Variants in DACH2 observed in about 807,000 individuals in gnomAD.
DACH2 encodes dachshund family transcription factor 2.
DACH2 carries 17 observed loss-of-function variants against 35.8 expected under a neutral mutation model. The ratio of observed to expected loss-of-function variants is 0.48; its 90% CI spans 0.33 to 0.71. The LOEUF is 0.71. Ranked by LOEUF, DACH2 falls within the 30% of genes least tolerant of loss-of-function variation. The probability of loss-of-function intolerance (pLI) is 0.02; values close to 1 mark genes in which losing one functional copy is unlikely to be tolerated. For synonymous variants in DACH2, 195 were observed against 177.3 expected (o/e 1.10, Z -0.79); for missense variants, 469 against 472.7 (o/e 0.99, Z 0.07).
intron 7 of DACH2, among the ~76,000 whole-genome samples, chrX:86,772,274 C>A (rs954418606): frequency 4.5e-5 from 5 of 111,608 alleles, no homozygotes; most frequent in Non-Finnish European, 9.4e-5. Flanking sequence ...TACTTGGAGA[C>A]TGAATTAGTA....
chrX:86,300,080 A>G (rs1235763774), intron 1 of DACH2, among the ~76,000 whole-genome samples: 3 of 111,188 alleles, frequency 2.7e-5, no homozygotes, highest in Non-Finnish European at 5.7e-5. Context: ...GAAATATACA[A>G]TACATTGTTG....
At chrX:86,563,382 G>A (rs2039251644) in intron 3 of DACH2, among the ~76,000 whole-genome samples, 1 of 110,172 alleles carries the variant, frequency 9.1e-6, no homozygotes, top group Admixed American at 9.8e-5. Flanking sequence ...CACTTACATG[G>A]GTATTGCCAC....
At chrX:86,319,288 A>C (rs190004950) in intron 1 of DACH2, among the ~76,000 whole-genome samples, 13 of 112,277 alleles carry the variant, frequency 1.2e-4, no homozygotes, top group African/African-American at 3.5e-4. Context: ...AATTTAAGAC[A>C]ATTCTTTATT....
chrX:86,172,095 G>A (rs185481869), intron 1 of DACH2, among the ~76,000 whole-genome samples: 121 of 111,940 alleles, frequency 1.1e-3, no homozygotes, highest in Admixed American at 2.7e-3. Context: ...TGTTACTTTT[G>A]TAATTAAGTA....
chrX:86,560,466 T>C (rs1404578704), intron 3 of DACH2, among the ~76,000 whole-genome samples: 1 of 104,423 alleles, frequency 9.6e-6, no homozygotes, highest in Non-Finnish European at 1.9e-5. Context: ...TCTCTGTATT[T>C]CCTGAATCTG....
At chrX:86,614,895 A>T (rs1207440901) in intron 3 of DACH2, among the ~76,000 whole-genome samples, 1 of 112,055 alleles carries the variant, frequency 8.9e-6, no homozygotes, top group African/African-American at 3.2e-5. Flanking sequence ...TATGTTTTTG[A>T]TACAAAATCT....
intron 11 of DACH2, chrX:86,828,003 C>A: frequency 2.8e-6 from 1 of 362,539 alleles, no homozygotes; most frequent in Non-Finnish European, 4.7e-6. Flanking sequence ...TGACTGAACA[C>A]ATTTTACACT....
At chrX:86,604,582 G>A (rs772978350) in intron 3 of DACH2, among the ~76,000 whole-genome samples, 1 of 111,670 alleles carries the variant, frequency 9.0e-6, no homozygotes, top group African/African-American at 3.2e-5. Context: ...AAATTCTAAA[G>A]ATTTCCCCCA....
At chrX:86,270,742 A>T (rs1293036472) in intron 1 of DACH2, among the ~76,000 whole-genome samples, 1 of 111,891 alleles carries the variant, frequency 8.9e-6, no homozygotes, top group East Asian at 2.8e-4. Context: ...ATATTTGGAT[A>T]ATGGAAAGAC....
At chrX:86,723,764 C>T (rs1899931739) in intron 6 of DACH2, among the ~76,000 whole-genome samples, 3 of 111,457 alleles carry the variant, frequency 2.7e-5, no homozygotes, top group Non-Finnish European at 5.7e-5. Flanking sequence ...AAGGAATATT[C>T]TGTAGTTGTT....
intron 2 of DACH2, among the ~76,000 whole-genome samples, chrX:86,410,129 C>T (rs908497600): frequency 1.2e-4 from 13 of 112,091 alleles, no homozygotes; most frequent in African/African-American, 4.2e-4. Context: ...CATTAACTTG[C>T]ACCGTTAATA....
intron 3 of DACH2, among the ~76,000 whole-genome samples, chrX:86,641,151 A>G (rs1310509425): frequency 8.9e-6 from 1 of 112,098 alleles, no homozygotes; most frequent in Non-Finnish European, 1.9e-5. Context: ...ATAGGAACAA[A>G]GATCATTGAG....
At chrX:86,710,154 A>G (rs2041262552) in intron 5 of DACH2, among the ~76,000 whole-genome samples, 2 of 112,619 alleles carry the variant, frequency 1.8e-5, no homozygotes, top group African/African-American at 3.2e-5. Flanking sequence ...CAACTGTGGT[A>G]TATATGTACT....
At chrX:86,502,273 C>T (rs768340549) in intron 2 of DACH2, among the ~76,000 whole-genome samples, 12 of 111,365 alleles carry the variant, frequency 1.1e-4, no homozygotes, top group Non-Finnish European at 2.3e-4. Flanking sequence ...ATGCCTAAAA[C>T]GATGAAAGTG....
intron 1 of DACH2, among the ~76,000 whole-genome samples, chrX:86,337,403 A>T (rs1022970925): frequency 6.2e-5 from 7 of 112,365 alleles, no homozygotes; most frequent in African/African-American, 2.3e-4. Flanking sequence ...ACAAGCCAGA[A>T]GAGAGTGGGG....
intron 2 of DACH2, among the ~76,000 whole-genome samples, chrX:86,502,314 G>T (rs1472021901): frequency 1.8e-5 from 2 of 111,668 alleles, no homozygotes; most frequent in African/African-American, 6.5e-5. Context: ...CCTGGAGCTG[G>T]AAAGGGTGTT....
chrX:86,500,462 G>A (rs377202188), intron 2 of DACH2, among the ~76,000 whole-genome samples: 1 of 111,444 alleles, frequency 9.0e-6, no homozygotes, highest in African/African-American at 3.3e-5. Context: ...TATCCCACAC[G>A]CCTACTCACT....
intron 3 of DACH2, among the ~76,000 whole-genome samples, chrX:86,622,362 G>A (rs1270293397): frequency 9.0e-6 from 1 of 111,031 alleles, no homozygotes; most frequent in African/African-American, 3.3e-5. Context: ...CTTCTTTTGG[G>A]GTAAAAAGGA....
At chrX:86,259,278 C>T (rs1258152061) in intron 1 of DACH2, among the ~76,000 whole-genome samples, 1 of 111,783 alleles carries the variant, frequency 8.9e-6, no homozygotes, top group East Asian at 2.8e-4. Flanking sequence ...CCTTAGTGTT[C>T]TTTTTGCAGA....
Sources: gnomAD v4.1 joint callset for allele counts (sites outside exome capture counted in the v4.1 genomes callset) on GRCh38, gnomAD v4.1.1 for gene constraint, MANE v1.5 for transcripts, NCBI Gene and HGNC (gene_info 2026-07-23, HGNC 2026-07-21) for gene names.